The following RIPOR1 variants were observed in gnomAD, a reference collection of about 807,000 sequenced individuals.
The protein encoded by RIPOR1 is RHO family interacting cell polarization regulator 1, also known as rho family-interacting cell polarization regulator 1.
Under a neutral mutation model 116.5 loss-of-function variants are expected in RIPOR1, and 58 were observed. That is an observed-to-expected ratio of 0.50 (90% CI 0.40 to 0.62). The LOEUF is 0.62. Among genes scored for constraint, RIPOR1 ranks in the 20% least tolerant of loss-of-function variants. The pLI, the probability that RIPOR1 is intolerant of heterozygous loss-of-function variation, is 0.00. For synonymous variants in RIPOR1, 605 were observed against 650.0 expected (o/e 0.93, Z 1.05); for missense variants, 1,372 against 1,586.2 (o/e 0.86, Z 2.29).
intron 1 of RIPOR1, among the ~76,000 whole-genome samples, chr16:67,532,398 T>TATGAACTATGAA: frequency 6.6e-6 from 1 of 151,642 alleles, no homozygotes; most frequent in South Asian, 2.1e-4. Flanking sequence ...GCCCAGGAGT[T>TATGAACTATGAA]CAAGGCTGCA....
intron 1 of RIPOR1, among the ~76,000 whole-genome samples, chr16:67,522,171 G>A (rs1433999621): frequency 1.3e-5 from 2 of 148,290 alleles, no homozygotes; most frequent in East Asian, 2.0e-4. Context: ...GAGACTACAG[G>A]CGTGTGCCAC....
upstream of RIPOR1, among the ~76,000 whole-genome samples, chr16:67,528,103 C>G (rs1222384555): frequency 6.6e-6 from 1 of 152,046 alleles, no homozygotes; most frequent in Non-Finnish European, 1.5e-5. Flanking sequence ...GGGAGTGGAA[C>G]TGGCCCTTTG....
At chr16:67,522,931 C>A (rs913188639) in intron 1 of RIPOR1, among the ~76,000 whole-genome samples, 2 of 152,172 alleles carry the variant, frequency 1.3e-5, no homozygotes, top group Non-Finnish European at 2.9e-5. Context: ...ACCAACCTGA[C>A]GAAAGCAGCC....
upstream of RIPOR1, among the ~76,000 whole-genome samples, chr16:67,524,275 C>T (rs1322499278): frequency 6.6e-6 from 1 of 152,194 alleles, no homozygotes; most frequent in African/African-American, 2.4e-5. Context: ...TCTTTTGACA[C>T]ACACAAAGGA....
chr16:67,540,650 G>C lies in RIPOR1; in HGVS notation c.747G>C (p.Trp249Cys). 7 of 1,613,240 alleles carry C rather than the reference G, an allele frequency of 4.3e-6. No individual in the cohort carries two copies. Among genetic ancestry groups the C allele is most frequent in the Non-Finnish European group, 5.9e-6 (7 of 1,179,550 alleles). ...TTGAGGGTAGTGGAAAGCAGGTGTG[G>C]GACAGTGAAGAAACCATCTTTCTCC... ...GRIEGSGKQV[W>C]DSEETIFLPL... The change falls in exon 10 of 22, where the codon TGG (tryptophan) becomes TGC (cysteine). Residue 249 changes from tryptophan to cysteine, a missense_variant. Physicochemically the swap from Trp to Cys is radical, Grantham distance 215. Around this residue, in one of 3 missense-constraint regions of RIPOR1, gnomAD observed 202 missense variants for 295.9 expected, o/e 0.68. Transcript: ENST00000042381. The surrounding 1 kb of genome is among the most constrained non-coding windows in gnomAD (Gnocchi z 4.7).
Position 67,541,262 on chromosome 16 carries a change from G to C in RIPOR1, c.802-168G>C. ...TTTTTTTTTTTTTTTTTGAGACAGA[G>C]TCTTGCCATGTTGCCCAAGCTGGTC... On this transcript the variant is annotated intron_variant, in intron 10 of 21. Transcript: ENST00000042381. This position sits in a 1 kb window ranked among gnomAD's most constrained non-coding sequence, Gnocchi z 4.6. The C allele has an allele frequency of 1.8e-6, 1 of 569,680 alleles. No individual in the cohort carries two copies. Among genetic ancestry groups the C allele is most frequent in the Non-Finnish European group, 3.0e-6 (1 of 333,216 alleles). 35.3% of individuals were successfully genotyped at this position (569,680 alleles called of 1,614,324 possible). A position where few individuals can be genotyped will look rare whatever the true frequency, so the allele number is the denominator to read the frequency against.
chr16:67,537,179 C>G lies in RIPOR1; in HGVS notation c.-23-1245C>G, dbSNP rs922052210. 6.6e-6 allele frequency among the ~76,000 whole-genome samples: 1 copy of G among 152,206 alleles called. No homozygotes were observed. Among genetic ancestry groups the G allele is most frequent in the Non-Finnish European group, 1.5e-5 (1 of 68,028 alleles). Reference sequence around the variant, plus strand: ...CCGCCCGCCTCGGCCTCCCAAAGTGCTGAGATTACAGGCGTGAGCCACTGT... The same window carrying G: ...CCGCCCGCCTCGGCCTCCCAAAGTGGTGAGATTACAGGCGTGAGCCACTGT... On this transcript the variant is annotated intron_variant, in intron 1 of 21. Transcript: ENST00000042381. This position sits in a 1 kb window ranked among gnomAD's most constrained non-coding sequence, Gnocchi z 4.6.
rs1420714335 is a variant in RIPOR1 at position 67,542,088 on chromosome 16, C to T, written c.1302C>T (p.Ala434=). The stretch of plus-strand genomic sequence containing the variant: ...CCTTGGATGAGGAGGGGGCCGTGGC[C>T]CCAGTCCTGGCAAATGGGCATGCAC... ...SGPLDEEGAV[A]PVLANGHAPY... The change falls in exon 13 of 22, where the codon GCC becomes GCT. Residue 434 remains alanine (A), a synonymous_variant. Coordinates refer to ENST00000042381, the MANE Select transcript of RIPOR1 (RefSeq NM_024519.4). This position sits in a 1 kb window ranked among gnomAD's most constrained non-coding sequence, Gnocchi z 4.6. The T allele has an allele frequency of 1.2e-6, 2 of 1,607,762 alleles. No individual in the cohort carries two copies. The highest frequency in any genetic ancestry group is 4.5e-5 in the East Asian group (2 of 44,690).
upstream of RIPOR1, among the ~76,000 whole-genome samples, chr16:67,523,818 C>T (rs757296716): frequency 6.6e-6 from 1 of 152,042 alleles, no homozygotes; most frequent in Non-Finnish European, 1.5e-5. Flanking sequence ...GCTGGGATTA[C>T]AGGCATGCGC....
At chr16:67,539,241 A>G (rs2050900883) in intron 4 of RIPOR1, 173 bp downstream of exon 4, 1 of 611,206 alleles carries the variant, frequency 1.6e-6, no homozygotes, top group Non-Finnish European at 2.8e-6. Context: ...TTTGCTGTGC[A>G]TACTTTCTGC....
In RIPOR1 at chr16:67,546,642, G is replaced by A. The variant is rs184913841; in HGVS notation, c.*179G>A. On this transcript the variant is annotated 3_prime_UTR_variant, in exon 22 of 22. Coordinates refer to ENST00000042381, the MANE Select transcript of RIPOR1 (RefSeq NM_024519.4). The stretch of plus-strand genomic sequence containing the variant: ...GGAGAGTCAGTGCCTGCAGTCAAGT[G>A]CCTCCCAGCCTCGGCTCAGCACATC... 3.3e-5 allele frequency: 20 copies of A among 599,806 alleles called. No individual in the cohort carries two copies. In the Admixed American group the frequency reaches 3.9e-4, roughly 12 times the overall value. The allele number at this position is 599,806 out of a possible 1,614,324, so 37.2% of individuals were successfully genotyped here.
rs771704428 is a variant in RIPOR1, at chr16:67,545,648, T to C, written c.3191-16T>C. ...TGCCACCTTGCCCACCCACCCACCA[T>C]ATCCCCTTTTTTCAGTGCTACTGGT... On this transcript the variant is annotated splice_polypyrimidine_tract_variant and intron_variant, in intron 18 of 21. Transcript: ENST00000042381. This position sits in a 1 kb window ranked among gnomAD's most constrained non-coding sequence, Gnocchi z 4.8. 8.2e-7 allele frequency: 1 copy of C among 1,223,394 alleles called. No homozygotes were observed. The highest frequency in any genetic ancestry group is 2.0e-5 in the Admixed American group (1 of 49,738). 75.8% of individuals were successfully genotyped at this position (1,223,394 alleles called of 1,614,324 possible).
In RIPOR1 at chr16:67,542,142, T is replaced by C; in HGVS notation, c.1356T>C (p.Ser452=). The change falls in exon 13 of 22, where the codon AGT becomes AGC. Residue 452 remains serine (S), a synonymous_variant. Coordinates refer to ENST00000042381, the MANE Select transcript of RIPOR1 (RefSeq NM_024519.4). The surrounding 1 kb of genome is among the most constrained non-coding windows in gnomAD (Gnocchi z 4.6). The stretch of plus-strand genomic sequence containing the variant: ...ACAGTCGGACTCTGAGCCACATCAG[T>C]GAGGCTAGTGTAGATGCTGCCTTGG... ...APYSRTLSHI[S]EASVDAALAE... is the part of the protein sequence containing the mutation. 1 of 1,613,816 alleles carries C rather than the reference T, an allele frequency of 6.2e-7. No homozygotes were observed. The highest frequency in any genetic ancestry group is 8.5e-7 in the Non-Finnish European group (1 of 1,179,788).
chr16:67,543,286 TAGGGCAACCAGGG>T lies in RIPOR1; in HGVS notation c.2478+29_2478+41del, dbSNP rs1171011708. On this transcript the variant is annotated intron_variant, in intron 13 of 21. Transcript: ENST00000042381. The surrounding 1 kb of genome is among the most constrained non-coding windows in gnomAD (Gnocchi z 4.7). Reference sequence around the variant, plus strand: ...CATGGTGAGGAGGGCTGGGCTGGGCTAGGGCAACCAGGGAGGGCAGCCAGGGGGCGGCAGCCGC... The same window carrying T: ...CATGGTGAGGAGGGCTGGGCTGGGCTAGGGCAGCCAGGGGGCGGCAGCCGC... 6 of 1,604,360 alleles carry T rather than the reference TAGGGCAACCAGGG, an allele frequency of 3.7e-6. No homozygotes were observed. The highest frequency in any genetic ancestry group is 1.7e-6 in the Non-Finnish European group (2 of 1,176,362).
rs370841432 is a variant in RIPOR1 at position 67,544,368 on chromosome 16, G to A, written c.2670G>A (p.Thr890=). ...CACCCAGTGCCCGCCCCCTCAGCAC[G>A]GGGTGTCCAGCTCTGGATGCTGCCT... The part of the protein sequence containing the change: ...IDSPSARPLS[T]GCPALDAALV... Residue 890 remains threonine (T), a synonymous_variant, in exon 15 of 22, where the codon ACG becomes ACA. Transcript: ENST00000042381. The surrounding 1 kb of genome is among the most constrained non-coding windows in gnomAD (Gnocchi z 5.1). 4.3e-6 allele frequency: 7 copies of A among 1,613,130 alleles called. No individual in the cohort carries two copies. The highest frequency in any genetic ancestry group is 2.7e-5 in the African/African-American group (2 of 74,894).
rs2050637048 is a variant in RIPOR1, at chr16:67,530,627, G to T, written c.-24+1713G>T. Among the ~76,000 whole-genome samples the T allele has an allele frequency of 6.6e-6, 1 of 152,170 alleles. No individual in the cohort carries two copies. The highest frequency in any genetic ancestry group is 2.1e-4 in the South Asian group (1 of 4,834). On this transcript the variant is annotated intron_variant, in intron 1 of 21. Transcript: ENST00000042381. The surrounding 1 kb of genome is among the most constrained non-coding windows in gnomAD (Gnocchi z 4.5). ...CAGTGCTGAGATGGGCAGCCCAGGTGGTGGGATATTCCGCCGCACCCGGGT... is the reference window on the plus strand; with the variant it reads ...CAGTGCTGAGATGGGCAGCCCAGGTTGTGGGATATTCCGCCGCACCCGGGT...
At chr16:67,535,902 G>A (rs748235498) in intron 1 of RIPOR1, among the ~76,000 whole-genome samples, 1 of 152,112 alleles carries the variant, frequency 6.6e-6, no homozygotes, top group Non-Finnish European at 1.5e-5. Context: ...GAGGAGGGGA[G>A]AATAACATAT....
rs1157542921 is a variant in RIPOR1, at chr16:67,538,871, A to C, written c.257+47A>C. 3 of 1,610,982 alleles carry C rather than the reference A, an allele frequency of 1.9e-6. No homozygotes were observed. The East Asian group carries it at 6.7e-5, about 36-fold the overall frequency. ...AGCCCTGTCCCGGGATCCCTCCCCA[A>C]GCCCGCATCCTGCTAGCAGGAACCT... On this transcript the variant is annotated intron_variant, in intron 3 of 21. Coordinates refer to ENST00000042381, the MANE Select transcript of RIPOR1 (RefSeq NM_024519.4).
At chr16:67,536,101 G>A (rs1434675441) in intron 1 of RIPOR1, among the ~76,000 whole-genome samples, 2 of 152,136 alleles carry the variant, frequency 1.3e-5, no homozygotes, top group African/African-American at 4.8e-5. Context: ...AAGGTCAAGG[G>A]AGGGATGGGC....
Sources: allele counts gnomAD v4.1 joint callset (sites outside exome capture counted in the v4.1 genomes callset), GRCh38; gene constraint gnomAD v4.1.1; regional missense constraint gnomAD v4.1.1; non-coding constraint Gnocchi (gnomAD v3.1); transcripts MANE v1.5; gene names NCBI Gene and HGNC (gene_info 2026-07-23, HGNC 2026-07-21).